The following IMMP2L variants were observed in gnomAD, a reference collection of about 807,000 sequenced individuals.
The protein encoded by IMMP2L is mitochondrial inner membrane protease subunit 2.
Under a neutral mutation model 19.3 loss-of-function variants are expected in IMMP2L, and 18 were observed. The observed-to-expected ratio is 0.93, with a 90% confidence interval of 0.64 to 1.38. IMMP2L has a LOEUF of 1.38. Ranked by LOEUF, IMMP2L falls within the 40% of genes most tolerant of loss-of-function variation. IMMP2L has a pLI of 0.00. For missense variants in IMMP2L, 233 were observed against 218.2 expected (o/e 1.07, Z -0.43); for synonymous variants, 76 against 73.0 (o/e 1.04, Z -0.21).
chr7:110,877,321 T>G lies in IMMP2L; in HGVS notation c.408+9272A>C, dbSNP rs1258456424. On this transcript the variant is annotated intron_variant, in intron 5 of 5. Transcript: ENST00000405709. The surrounding 1 kb of genome is among the most constrained non-coding windows in gnomAD (Gnocchi z 4.0). ...GATGAGTTAGCTCCCATAGTTGCCT[T>G]GGCAAAGTTCACAGTCTTTTCACAC... Among the ~76,000 whole-genome samples, 2 of 152,160 alleles carry G rather than the reference T, an allele frequency of 1.3e-5. No individual in the cohort carries two copies. The highest frequency in any genetic ancestry group is 4.8e-5 in the African/African-American group (2 of 41,442).
chr7:110,942,501 G>A (rs1394076306), intron 4 of IMMP2L, among the ~76,000 whole-genome samples: 2 of 151,832 alleles, frequency 1.3e-5, no homozygotes, highest in Non-Finnish European at 2.9e-5. Flanking sequence ...AGAAACAGCA[G>A]AATGATTTTT....
chr7:111,392,677 T>C, intron 3 of IMMP2L: 1 of 440,222 alleles, frequency 2.3e-6, no homozygotes, highest in Non-Finnish European at 4.6e-6. Context: ...CAAATCAAGG[T>C]CCCTAGGTTA....
At chr7:110,809,452 T>C (rs562246490) in intron 5 of IMMP2L, among the ~76,000 whole-genome samples, 14 of 151,936 alleles carry the variant, frequency 9.2e-5, no homozygotes, top group Admixed American at 2.0e-4. Flanking sequence ...GACTAGTATT[T>C]ATGGATAACT....
intron 2 of IMMP2L, among the ~76,000 whole-genome samples, chr7:111,505,901 C>G (rs1327602494): frequency 1.3e-5 from 2 of 152,028 alleles, no homozygotes; most frequent in African/African-American, 2.4e-5. Context: ...AGCACACCAA[C>G]ATGGCACATG....
chr7:110,783,695 C>T (rs1799891538), intron 5 of IMMP2L, among the ~76,000 whole-genome samples: 1 of 151,860 alleles, frequency 6.6e-6, no homozygotes, highest in South Asian at 2.1e-4. Context: ...AGGAAGAAGT[C>T]TGTCTCAGGT....
chr7:110,803,706 GCTGACAGGCTATCCC>G lies in IMMP2L; in HGVS notation c.408+82872_408+82886del, dbSNP rs1801415188. 6.6e-6 allele frequency among the ~76,000 whole-genome samples: 1 copy of G among 152,062 alleles called. No homozygotes were observed. Among genetic ancestry groups the G allele is most frequent in the African/African-American group, 2.4e-5 (1 of 41,438 alleles). On this transcript the variant is annotated intron_variant, in intron 5 of 5. Transcript: ENST00000405709. This position sits in a 1 kb window ranked among gnomAD's most constrained non-coding sequence, Gnocchi z 4.2. ...TGTAGCCAAGGGCAAGTCCTGATGG[GCTGACAGGCTATCCC>G]CTGGGAGCACTCCCAGCAATTGGGA...
chr7:111,494,212 T>G (rs17158597), intron 2 of IMMP2L, among the ~76,000 whole-genome samples: 15,927 of 152,172 alleles, frequency 0.1, 1,145 homozygotes, highest in African/African-American at 0.19. Context: ...CAGAGAATAT[T>G]TAATCTAGGA....
At chr7:111,306,562 C>T (rs1052800845) in intron 3 of IMMP2L, among the ~76,000 whole-genome samples, 3 of 150,142 alleles carry the variant, frequency 2.0e-5, no homozygotes, top group Admixed American at 6.6e-5. Context: ...TATTTAAAGG[C>T]CTTTCATTTT....
chr7:111,424,415 C>T (rs544857053), intron 3 of IMMP2L, among the ~76,000 whole-genome samples: 1 of 151,822 alleles, frequency 6.6e-6, no homozygotes, highest in East Asian at 1.9e-4. Flanking sequence ...AAGAGAGAGG[C>T]TAGAGACTAC....
At chr7:111,049,297 AT>A (rs1367014921) in intron 3 of IMMP2L, among the ~76,000 whole-genome samples, 5 of 151,214 alleles carry the variant, frequency 3.3e-5, no homozygotes, top group African/African-American at 1.2e-4. Context: ...CGCCCGGCTA[AT>A]TTTTTTGTAT....
At chr7:111,325,574 G>GT (rs1277840862) in intron 3 of IMMP2L, among the ~76,000 whole-genome samples, 11 of 151,304 alleles carry the variant, frequency 7.3e-5, no homozygotes, top group African/African-American at 2.7e-4. Flanking sequence ...TGGAGTTTAG[G>GT]TTTTTTTAGT....
intron 5 of IMMP2L, among the ~76,000 whole-genome samples, chr7:110,700,065 C>A (rs1794167169): frequency 6.6e-6 from 1 of 152,294 alleles, no homozygotes; most frequent in East Asian, 1.9e-4. Flanking sequence ...AACAACACAG[C>A]CCAGTTGACA....
At chr7:111,075,998 T>G (rs1342475798) in intron 3 of IMMP2L, among the ~76,000 whole-genome samples, 1 of 152,230 alleles carries the variant, frequency 6.6e-6, no homozygotes, top group African/African-American at 2.4e-5. Context: ...CTAAATTTCT[T>G]ATCTAGTTAA....
intron 3 of IMMP2L, among the ~76,000 whole-genome samples, chr7:111,284,875 T>C (rs939635964): frequency 3.9e-5 from 6 of 152,078 alleles, no homozygotes; most frequent in African/African-American, 7.2e-5. Flanking sequence ...CTACCAGGCA[T>C]TGGAGAAAGT....
At chr7:111,364,268 T>G (rs1276987827) in intron 3 of IMMP2L, among the ~76,000 whole-genome samples, 1 of 152,130 alleles carries the variant, frequency 6.6e-6, no homozygotes, top group Non-Finnish European at 1.5e-5. Context: ...GCATATTCAC[T>G]TCTCTATTCA....
At chr7:111,114,835 A>G (rs1799682891) in intron 3 of IMMP2L, among the ~76,000 whole-genome samples, 1 of 152,160 alleles carries the variant, frequency 6.6e-6, no homozygotes, top group South Asian at 2.1e-4. Context: ...TAATAATAGA[A>G]TTTGAAGGTG....
intron 3 of IMMP2L, among the ~76,000 whole-genome samples, chr7:111,445,108 G>A (rs564505729): frequency 7.2e-4 from 110 of 152,078 alleles, no homozygotes; most frequent in African/African-American, 1.8e-3. Context: ...TGACCTATGT[G>A]AGAAAGTGCC....
rs113434701 is a variant in IMMP2L at position 111,286,368 on chromosome 7, C to T, written c.239+200870G>A. 3.1e-3 allele frequency among the ~76,000 whole-genome samples: 464 copies of T among 152,116 alleles called. 2 individuals are homozygous for T. The highest frequency in any genetic ancestry group is 0.011 in the African/African-American group (440 of 41,508). ...GACCATCTCCTTAAGCATTCCACCA[C>T]GATCAACGCAATAATGACTTAACTG... is the stretch of plus-strand genomic sequence containing the variant. On this transcript the variant is annotated intron_variant, in intron 3 of 5. Transcript: ENST00000405709.
intron 3 of IMMP2L, among the ~76,000 whole-genome samples, chr7:111,073,594 A>G (rs549944335): frequency 6.6e-6 from 1 of 152,242 alleles, no homozygotes; most frequent in Admixed American, 6.5e-5. Context: ...TTTGCTTAAC[A>G]AGTCTACCTG....
Sources: allele counts gnomAD v4.1 joint callset (sites outside exome capture counted in the v4.1 genomes callset), GRCh38; gene constraint gnomAD v4.1.1; non-coding constraint Gnocchi (gnomAD v3.1); transcripts MANE v1.5; gene names NCBI Gene and HGNC (gene_info 2026-07-23, HGNC 2026-07-21).